Variants in MACROD2 observed in about 807,000 individuals in gnomAD.
The protein encoded by MACROD2 is mono-ADP ribosylhydrolase 2, also known as ADP-ribose glycohydrolase MACROD2.
In MACROD2, 36 loss-of-function variants were observed where a neutral mutation model predicts 70.4. The ratio of observed to expected loss-of-function variants is 0.51; its 90% CI spans 0.39 to 0.68. The LOEUF is 0.68. Ranked by LOEUF, MACROD2 falls within the 30% of genes least tolerant of loss-of-function variation. MACROD2 has a pLI of 0.00. For synonymous variants in MACROD2, 172 were observed against 178.8 expected, an observed-to-expected ratio of 0.96 and a Z score of 0.30; for missense variants, 496 against 538.4, an observed-to-expected ratio of 0.92 and a Z score of 0.78.
intron 15 of MACROD2, among the ~76,000 whole-genome samples, chr20:16,035,800 C>G (rs1341849654): frequency 2.0e-5 from 3 of 149,586 alleles, no homozygotes; most frequent in African/African-American, 7.4e-5. Flanking sequence ...GAGCTGAGTC[C>G]TGGTCTCATC....
In MACROD2 at chr20:14,837,940, A is replaced by AAAAAC. The variant is rs142423143; in HGVS notation, c.418+153010_418+153014dup. Among the ~76,000 whole-genome samples, 1,382 of 150,526 alleles carry AAAAAC rather than the reference A, an allele frequency of 9.2e-3. 27 individuals are homozygous for AAAAAC. The highest frequency in any genetic ancestry group is 0.029 in the African/African-American group (1,190 of 41,148). ...TGTCAACTATTATCAGGCACAGCCA[A>AAAAAC]AAAACAAAACAAAACAAAACAAAAC... On this transcript the variant is annotated intron_variant, in intron 5 of 17. Transcript: ENST00000684519.
intron 8 of MACROD2, among the ~76,000 whole-genome samples, chr20:15,531,184 T>A (rs1205836738): frequency 1.3e-5 from 2 of 151,630 alleles, no homozygotes; most frequent in Non-Finnish European, 1.5e-5. Flanking sequence ...AGGAAAAAAA[T>A]TTTAATATTT....
chr20:15,362,356 A>G (rs1026607773), intron 6 of MACROD2, among the ~76,000 whole-genome samples: 1 of 152,078 alleles, frequency 6.6e-6, no homozygotes, highest in African/African-American at 2.4e-5. Flanking sequence ...GAGAGCGGAC[A>G]TCCTTACCTT....
intron 12 of MACROD2, among the ~76,000 whole-genome samples, chr20:15,949,767 A>C (rs1380996376): frequency 6.6e-6 from 1 of 152,192 alleles, no homozygotes; most frequent in Non-Finnish European, 1.5e-5. Flanking sequence ...ACCTAATAAA[A>C]GTAATCATAG....
chr20:15,005,667 C>T (rs962336775), intron 5 of MACROD2, among the ~76,000 whole-genome samples: 8 of 152,100 alleles, frequency 5.3e-5, no homozygotes, highest in African/African-American at 1.9e-4. Flanking sequence ...CCAGAATTTA[C>T]CCATGGACCC....
intron 3 of MACROD2, chr20:14,325,553 A>G (rs778346237): frequency 5.0e-6 from 8 of 1,603,378 alleles, no homozygotes; most frequent in Non-Finnish European, 4.3e-6. Context: ...TGAGTCCTTC[A>G]GCATCATGAG....
At chr20:15,493,791 G>T (rs1181228807) in intron 7 of MACROD2, among the ~76,000 whole-genome samples, 1 of 152,194 alleles carries the variant, frequency 6.6e-6, no homozygotes, top group Admixed American at 6.5e-5. Context: ...ATACAGTTTA[G>T]ACATGGGGTA....
chr20:15,973,857 TA>T (rs1402203478), intron 13 of MACROD2, among the ~76,000 whole-genome samples: 2 of 152,236 alleles, frequency 1.3e-5, no homozygotes, highest in Non-Finnish European at 2.9e-5. Context: ...GGTTATTTGA[TA>T]TTGATAACAA....
chr20:14,010,001 G>C lies in MACROD2; in HGVS notation c.163+7597G>C, dbSNP rs181537169. Among the ~76,000 whole-genome samples the C allele has an allele frequency of 7.2e-5, 11 of 152,252 alleles. No homozygotes were observed. In the East Asian group the frequency reaches 2.1e-3, roughly 29 times the overall value. ...AAGGATGGGAGGAGTGAGAGCATCA[G>C]GAAGAATAGCTAATGGATGCTGGGC... On this transcript the variant is annotated intron_variant, in intron 2 of 17. Coordinates refer to ENST00000684519, the MANE Select transcript of MACROD2 (RefSeq NM_001351661.2).
intron 13 of MACROD2, among the ~76,000 whole-genome samples, chr20:15,973,200 C>G (rs1004061889): frequency 1.3e-4 from 19 of 151,776 alleles, no homozygotes; most frequent in African/African-American, 4.6e-4. Flanking sequence ...TATATTTTGT[C>G]TGTGTTTCTA....
intron 3 of MACROD2, among the ~76,000 whole-genome samples, chr20:14,166,705 C>T (rs980413916): frequency 6.6e-6 from 1 of 152,084 alleles, no homozygotes; most frequent in South Asian, 2.1e-4. Flanking sequence ...CTCTGTATCT[C>T]CCTCCCTGCA....
intron 5 of MACROD2, among the ~76,000 whole-genome samples, chr20:15,098,822 G>A (rs980750121): frequency 6.6e-6 from 1 of 152,340 alleles, no homozygotes; most frequent in South Asian, 2.1e-4. Context: ...GGGGAAATCA[G>A]AGAGTGTTCT....
chr20:15,090,206 CATAT>C lies in MACROD2; in HGVS notation c.419-139723_419-139720del, dbSNP rs10566528. On this transcript the variant is annotated intron_variant, in intron 5 of 17. Coordinates refer to ENST00000684519, the MANE Select transcript of MACROD2 (RefSeq NM_001351661.2). ...ATATCACTTTGGATAGATAAATGTA[CATAT>C]ATATATATATGTGAGGGCAGGAATG... Among the ~76,000 whole-genome samples the C allele has an allele frequency of 2.1e-4, 31 of 150,802 alleles. 1 individual carries two copies. The South Asian group carries it at 5.2e-3, about 25-fold the overall frequency.
At position 15,494,781 on chromosome 20, in the gene MACROD2, G is replaced by A. The variant is rs560365012; in HGVS notation, c.572-4993G>A. Among the ~76,000 whole-genome samples the A allele has an allele frequency of 2.5e-4, 38 of 150,992 alleles. 1 individual carries two copies. Among genetic ancestry groups the A allele is most frequent in the Admixed American group, 1.3e-3 (20 of 15,106 alleles). ...TGTGTGTGCGCGTGTGTGTGTGCGC[G>A]CGTGTGTGCAGTATATAAAATATTT... On this transcript the variant is annotated intron_variant, in intron 7 of 17. Coordinates refer to ENST00000684519, the MANE Select transcript of MACROD2 (RefSeq NM_001351661.2).
intron 3 of MACROD2, among the ~76,000 whole-genome samples, chr20:14,264,167 G>C (rs377073623): frequency 9.2e-3 from 9 of 978 alleles, no homozygotes; most frequent in African/African-American, 0.066. Flanking sequence ...TTCTAGACAA[G>C]AAGTTGCTAT....
At chr20:14,024,701 C>T (rs559590954) in intron 2 of MACROD2, among the ~76,000 whole-genome samples, 2 of 152,292 alleles carry the variant, frequency 1.3e-5, no homozygotes, top group African/African-American at 4.8e-5. Flanking sequence ...TTGAACCAGC[C>T]TTGCATCACA....
At chr20:15,492,586 T>C (rs1173573543) in intron 7 of MACROD2, among the ~76,000 whole-genome samples, 10 of 152,228 alleles carry the variant, frequency 6.6e-5, no homozygotes, top group African/African-American at 2.2e-4. Flanking sequence ...TAATTTTGCA[T>C]TGACAGTCAA....
At position 14,069,635 on chromosome 20, in the gene MACROD2, A is replaced by G. The variant is rs1044977506; in HGVS notation, c.164-15986A>G. 2.0e-5 allele frequency among the ~76,000 whole-genome samples: 3 copies of G among 149,234 alleles called. No homozygotes were observed. In the East Asian group the frequency reaches 5.9e-4, roughly 29 times the overall value. On this transcript the variant is annotated intron_variant, in intron 2 of 17. Coordinates refer to ENST00000684519, the MANE Select transcript of MACROD2 (RefSeq NM_001351661.2). Reference sequence around the variant, plus strand: ...AGATAAAAATATATCCCAAATAAATATTTGCACATCAAGCAAAACTGCAAT... The same window carrying G: ...AGATAAAAATATATCCCAAATAAATGTTTGCACATCAAGCAAAACTGCAAT...
At chr20:14,615,637 T>A (rs1369610034) in intron 4 of MACROD2, among the ~76,000 whole-genome samples, 1 of 152,210 alleles carries the variant, frequency 6.6e-6, no homozygotes, top group South Asian at 2.1e-4. Context: ...AAGCTCAGGC[T>A]AAGCAGCTTA....
Sources: allele counts gnomAD v4.1 joint callset (sites outside exome capture counted in the v4.1 genomes callset), GRCh38; gene constraint gnomAD v4.1.1; transcripts MANE v1.5; gene names NCBI Gene and HGNC (gene_info 2026-07-23, HGNC 2026-07-21).